Variants in USP3 observed in about 807,000 individuals in gnomAD.
USP3 encodes the protein ubiquitin carboxyl-terminal hydrolase 3.
USP3 carries 20 observed loss-of-function variants against 72.3 expected under a neutral mutation model. The ratio of observed to expected loss-of-function variants is 0.28; its 90% CI spans 0.19 to 0.40. The LOEUF (loss-of-function observed/expected upper bound fraction) is 0.40. USP3 is among the 10% of genes least tolerant of loss of function. The pLI is 1.00. For synonymous variants in USP3, 222 were observed against 225.3 expected (o/e 0.99, Z 0.13); for missense variants, 479 against 633.9 (o/e 0.76, Z 2.62).
intron 11 of USP3, among the ~76,000 whole-genome samples, chr15:63,583,099 A>G (rs1020950336): frequency 6.6e-6 from 1 of 152,118 alleles, no homozygotes; most frequent in Non-Finnish European, 1.5e-5. Flanking sequence ...GTGGGTCTGT[A>G]CAGGTTAAAT....
chr15:63,515,867 G>T (rs1433159103), intron 1 of USP3, among the ~76,000 whole-genome samples: 3 of 152,168 alleles, frequency 2.0e-5, no homozygotes, highest in Admixed American at 1.3e-4. Flanking sequence ...CAGTCCTGCT[G>T]TCCACAGACA....
chr15:63,581,546 G>A (rs927688466), intron 11 of USP3, among the ~76,000 whole-genome samples: 1 of 141,394 alleles, frequency 7.1e-6, no homozygotes, highest in African/African-American at 2.7e-5. Context: ...ACCACACCCG[G>A]CTAATTTTTT....
In USP3 at chr15:63,504,850, G is replaced by T; in HGVS notation, c.91+20G>T. On this transcript the variant is annotated intron_variant, in intron 1 of 14. Transcript: ENST00000380324. ...GCAGCGGTGAGTGCGGCCACGGGCC[G>T]GCCCCGCAGCGCACCCGAGGCCGCG... 1 of 1,569,612 alleles carries T rather than the reference G, an allele frequency of 6.4e-7. No individual in the cohort carries two copies. Among genetic ancestry groups the T allele is most frequent in the Non-Finnish European group, 8.6e-7 (1 of 1,160,030 alleles).
chr15:63,550,402 A>T (rs1401569365), intron 3 of USP3, among the ~76,000 whole-genome samples: 1 of 152,258 alleles, frequency 6.6e-6, no homozygotes, highest in East Asian at 1.9e-4. Flanking sequence ...CAGAAAAAAT[A>T]AGAGAAATAA....
intron 11 of USP3, among the ~76,000 whole-genome samples, chr15:63,578,686 GATC>G (rs2066907062): frequency 6.6e-6 from 1 of 151,860 alleles, no homozygotes; most frequent in African/African-American, 2.4e-5. Context: ...AGCTATCAGT[GATC>G]ATCATAGTTA....
chr15:63,548,025 C>T (rs1230113804), intron 3 of USP3, among the ~76,000 whole-genome samples: 1 of 149,696 alleles, frequency 6.7e-6, no homozygotes, highest in Non-Finnish European at 1.5e-5. Flanking sequence ...GTGGGAGGAT[C>T]ACTTGAGCCA....
rs575086674 is a variant in USP3 at position 63,588,982 on chromosome 15, C to T, written c.1368C>T (p.Leu456=). 45 of 1,613,884 alleles carry T rather than the reference C, an allele frequency of 2.8e-5. No homozygotes were observed. Among genetic ancestry groups the T allele is most frequent in the South Asian group, 2.5e-4 (23 of 91,050 alleles). Residue 456 remains leucine (L), a synonymous_variant, in exon 14 of 15, where the codon CTC becomes CTT. Transcript: ENST00000380324. This position sits in a 1 kb window ranked among gnomAD's most constrained non-coding sequence, Gnocchi z 4.6. ...NSGPESCLYD[L]AAVVVHHGSG... ...GCCCGGAGAGCTGCCTGTATGACCTCGCCGCTGTGGTGGTGCACCATGGTT... is the reference window on the plus strand; with the variant it reads ...GCCCGGAGAGCTGCCTGTATGACCTTGCCGCTGTGGTGGTGCACCATGGTT...
chr15:63,566,297 G>A (rs933377458), intron 8 of USP3, among the ~76,000 whole-genome samples: 3 of 150,752 alleles, frequency 2.0e-5, no homozygotes, highest in Non-Finnish European at 3.0e-5. Context: ...ATCTTTGCCT[G>A]TGATGCTTTT....
chr15:63,572,223 G>A (rs1482164672), intron 9 of USP3, among the ~76,000 whole-genome samples: 8 of 152,134 alleles, frequency 5.3e-5, no homozygotes, highest in Admixed American at 5.2e-4. Context: ...ATCTTGATGA[G>A]TATCCATTTC....
intron 7 of USP3, among the ~76,000 whole-genome samples, chr15:63,562,543 A>G (rs1252580368): frequency 6.6e-6 from 1 of 152,172 alleles, no homozygotes; most frequent in Admixed American, 6.5e-5. Flanking sequence ...GGAGAAAGAA[A>G]GCCGAATGCT....
At chr15:63,575,070 T>C (rs1052067662) in intron 11 of USP3, among the ~76,000 whole-genome samples, 1 of 151,846 alleles carries the variant, frequency 6.6e-6, no homozygotes, top group African/African-American at 2.4e-5. Flanking sequence ...AACTCTACAC[T>C]GAAGCTAACA....
chr15:63,506,240 G>A (rs946164337), intron 1 of USP3, among the ~76,000 whole-genome samples: 2 of 152,166 alleles, frequency 1.3e-5, no homozygotes, highest in African/African-American at 4.8e-5. Context: ...GGGATGTTGA[G>A]TATAGAACAA....
intron 3 of USP3, among the ~76,000 whole-genome samples, chr15:63,541,017 G>T (rs1463358287): frequency 6.6e-6 from 1 of 152,058 alleles, no homozygotes; most frequent in Non-Finnish European, 1.5e-5. Flanking sequence ...AGGAACTTTG[G>T]TTTTTTTATG....
chr15:63,525,986 T>C (rs1327667951), intron 1 of USP3, among the ~76,000 whole-genome samples: 1 of 152,224 alleles, frequency 6.6e-6, no homozygotes, highest in African/African-American at 2.4e-5. Flanking sequence ...GATTTAACTT[T>C]CCACTCATGC....
At chr15:63,516,944 A>G (rs1330690384) in intron 1 of USP3, among the ~76,000 whole-genome samples, 1 of 138,996 alleles carries the variant, frequency 7.2e-6, no homozygotes, top group Non-Finnish European at 1.6e-5. Context: ...TCTTTCTGGA[A>G]CTCTTATTAG....
At chr15:63,537,215 C>T (rs2066171005) in intron 3 of USP3, 59 bp downstream of exon 3, 27 of 1,545,960 alleles carry the variant, frequency 1.7e-5, no homozygotes, top group Non-Finnish European at 2.4e-5. Context: ...GCTCTCCTCC[C>T]CTCCCTTCCC....
At chr15:63,525,614 A>G (rs563405448) in intron 1 of USP3, among the ~76,000 whole-genome samples, 5 of 152,296 alleles carry the variant, frequency 3.3e-5, no homozygotes, top group Non-Finnish European at 7.4e-5. Context: ...AATAATTTCA[A>G]GGGACTCAAG....
At chr15:63,539,036 T>A (rs552714172) in intron 3 of USP3, among the ~76,000 whole-genome samples, 5 of 152,282 alleles carry the variant, frequency 3.3e-5, no homozygotes, top group African/African-American at 1.2e-4. Flanking sequence ...TATTTGCTGT[T>A]GTGAAACACA....
rs574266195 is a variant in USP3 at position 63,554,746 on chromosome 15, T to C, written c.368+948T>C. Among the ~76,000 whole-genome samples, 3 of 152,324 alleles carry C rather than the reference T, an allele frequency of 2.0e-5. 1 individual carries two copies. Among genetic ancestry groups the C allele is most frequent in the South Asian group, 4.1e-4 (2 of 4,826 alleles). ...AACCACAGACATTATGTATGTCTCATTGACTAACTAGATGATAAAGCCAAT... is the reference window on the plus strand; with the variant it reads ...AACCACAGACATTATGTATGTCTCACTGACTAACTAGATGATAAAGCCAAT... On this transcript the variant is annotated intron_variant, in intron 4 of 14. Coordinates refer to ENST00000380324, the MANE Select transcript of USP3 (RefSeq NM_006537.4).
Sources: gnomAD v4.1 joint callset for allele counts (sites outside exome capture counted in the v4.1 genomes callset) on GRCh38, gnomAD v4.1.1 for gene constraint, Gnocchi (gnomAD v3.1) non-coding constraint, MANE v1.5 for transcripts, NCBI Gene and HGNC (gene_info 2026-07-23, HGNC 2026-07-21) for gene names.